PCDHA2: variants seen among roughly 807,000 people sequenced by gnomAD.
The protein encoded by PCDHA2 is protocadherin alpha-2.
In PCDHA2, 58 loss-of-function variants were observed where a neutral mutation model predicts 66.0. The ratio of observed to expected loss-of-function variants is 0.88; its 90% CI spans 0.71 to 1.09. PCDHA2 has a LOEUF of 1.09. Ranked by LOEUF, PCDHA2 falls within the 50% of genes least tolerant of loss-of-function variation. The pLI, the probability that PCDHA2 is intolerant of heterozygous loss-of-function variation, is 0.00. For missense variants in PCDHA2, 1,267 were observed against 1,242.3 expected, an observed-to-expected ratio of 1.02 and a Z score of -0.30; for synonymous variants, 634 against 554.0, an observed-to-expected ratio of 1.14 and a Z score of -2.03.
rs782014250 is a variant in PCDHA2, at chr5:140,883,952, G to T, written c.2388+86600G>T. On this transcript the variant is annotated intron_variant, in intron 1 of 3. Transcript: ENST00000526136. The stretch of plus-strand genomic sequence containing the variant: ...GTTCGTGCTGGACGAGAACGACAAC[G>T]CTCCGGCGCTGCTGACGCCCGGGGC... 2.0e-5 allele frequency: 32 copies of T among 1,613,030 alleles called. No individual in the cohort carries two copies. The highest frequency in any genetic ancestry group is 2.6e-5 in the Non-Finnish European group (31 of 1,179,806).
intron 1 of PCDHA2, chr5:140,863,098 A>C (rs781829362): frequency 1.7e-6 from 1 of 578,270 alleles, no homozygotes; most frequent in Non-Finnish European, 3.4e-6. Context: ...CACGACGAGT[A>C]CCCTGGACGA....
intron 1 of PCDHA2, chr5:140,810,670 CTTTTTTCTCTTCT>C (rs1370991145): frequency 4.0e-5 from 4 of 98,992 alleles, no homozygotes; most frequent in African/African-American, 2.0e-4. Flanking sequence ...TTTTTCTTTT[CTTTTTTCTCTTCT>C]TTTTGCTTCC....
intron 1 of PCDHA2, chr5:140,828,577 T>C: frequency 6.2e-7 from 1 of 1,614,252 alleles, no homozygotes; most frequent in Non-Finnish European, 8.5e-7. Flanking sequence ...ATGCAGATGT[T>C]GGCTCAAATT....
intron 1 of PCDHA2, chr5:140,928,983 G>T: frequency 6.2e-7 from 1 of 1,613,838 alleles, no homozygotes; most frequent in Non-Finnish European, 8.5e-7. Flanking sequence ...TATTTCTGGG[G>T]TGCTTACTTT....
intron 1 of PCDHA2, among the ~76,000 whole-genome samples, chr5:140,936,024 C>T (rs536876826): frequency 1.4e-4 from 22 of 151,890 alleles, no homozygotes; most frequent in African/African-American, 4.6e-4. Flanking sequence ...TCCCGAGTAG[C>T]GGGGATTACA....
chr5:140,853,754 A>C, intron 1 of PCDHA2: 1 of 988,728 alleles, frequency 1.0e-6, no homozygotes, highest in Non-Finnish European at 1.2e-6. Flanking sequence ...TCAAGGCTCC[A>C]CCTCAGAAAT....
rs2150328350 is a variant in PCDHA2, at chr5:140,842,056, T to G, written c.2388+44704T>G. On this transcript the variant is annotated intron_variant, in intron 1 of 3. Transcript: ENST00000526136. ...ATAATGCTCCCACTTTCGAACAGTCTGAATACGAAGTAAGAATATTCGAAA... is the reference window on the plus strand; with the variant it reads ...ATAATGCTCCCACTTTCGAACAGTCGGAATACGAAGTAAGAATATTCGAAA... The G allele has an allele frequency of 3.7e-5, 59 of 1,613,726 alleles. 1 individual carries two copies. Among genetic ancestry groups the G allele is most frequent in the Non-Finnish European group, 4.6e-5 (54 of 1,179,870 alleles).
chr5:140,836,577 T>C lies in PCDHA2; in HGVS notation c.2388+39225T>C. ...CTCAGCGCCGTCCTCTGAGGGCGCA[T>C]GTAGTTTGGTAAAGCCCACTCTGGT... is the stretch of plus-strand genomic sequence containing the variant. On this transcript the variant is annotated intron_variant, in intron 1 of 3. Transcript: ENST00000526136. 1 of 1,613,654 alleles carries C rather than the reference T, an allele frequency of 6.2e-7. No homozygotes were observed. The highest frequency in any genetic ancestry group is 8.5e-7 in the Non-Finnish European group (1 of 1,179,798).
At chr5:140,870,634 G>A (rs782716769) in intron 1 of PCDHA2, 49 of 1,612,744 alleles carry the variant, frequency 3.0e-5, no homozygotes, top group Non-Finnish European at 3.9e-5. Context: ...GTCGGTGCAC[G>A]CGGAGAGCGG....
chr5:140,966,280 G>C (rs782249047), intron 1 of PCDHA2: 3 of 365,660 alleles, frequency 8.2e-6, no homozygotes, highest in African/African-American at 4.2e-5. Flanking sequence ...CTGGACAGTG[G>C]GGGTAGGGAG....
At chr5:140,886,368 C>T (rs1174734883) in intron 1 of PCDHA2, among the ~76,000 whole-genome samples, 2 of 152,040 alleles carry the variant, frequency 1.3e-5, no homozygotes, top group South Asian at 4.1e-4. Context: ...GGTGTACATG[C>T]CATGGTGTGC....
Position 140,796,190 on chromosome 5 carries a change from T to C in PCDHA2, c.1226T>C (p.Leu409Pro). Residue 409 changes from leucine (L) to proline (P), a missense_variant, in exon 1 of 4, where the codon CTG (leucine) becomes CCG (proline). Coordinates refer to ENST00000526136, the MANE Select transcript of PCDHA2 (RefSeq NM_018905.3). ...TTCAAGAATTACTACTCGTTGGTGC[T>C]GGACAGCGCCCTGGACCGCGAGAGC... is the stretch of plus-strand genomic sequence containing the variant. ...STFKNYYSLVLDSALDRESVS... is the reference protein window; with the variant it reads ...STFKNYYSLVPDSALDRESVS... 2 of 1,614,216 alleles carry C rather than the reference T, an allele frequency of 1.2e-6. No homozygotes were observed. The highest frequency in any genetic ancestry group is 8.5e-7 in the Non-Finnish European group (1 of 1,180,042).
intron 1 of PCDHA2, chr5:140,967,270 C>G (rs782562333): frequency 6.2e-7 from 1 of 1,613,488 alleles, no homozygotes; most frequent in Non-Finnish European, 8.5e-7. Context: ...CGCGCTTTCA[C>G]ATAGAGAGTG....
intron 1 of PCDHA2, among the ~76,000 whole-genome samples, chr5:140,899,834 G>T (rs181729880): frequency 6.6e-6 from 1 of 152,198 alleles, no homozygotes; most frequent in Admixed American, 6.5e-5. Context: ...TTTGAGACAG[G>T]TCTTGCTGTG....
intron 1 of PCDHA2, among the ~76,000 whole-genome samples, chr5:140,838,702 G>A (rs1775843777): frequency 6.6e-6 from 1 of 152,008 alleles, no homozygotes; most frequent in South Asian, 2.1e-4. Context: ...TCGGGAGGCC[G>A]AGGCAGGAGG....
chr5:140,965,121 T>G (rs1454584682), intron 1 of PCDHA2, among the ~76,000 whole-genome samples: 6 of 152,178 alleles, frequency 3.9e-5, no homozygotes, highest in African/African-American at 1.4e-4. Flanking sequence ...TAGAGGAAGA[T>G]CTACAGATGA....
intron 1 of PCDHA2, among the ~76,000 whole-genome samples, chr5:140,831,935 G>C (rs1470803864): frequency 6.6e-6 from 1 of 152,098 alleles, no homozygotes; most frequent in Admixed American, 6.6e-5. Flanking sequence ...CTAGTTTTCC[G>C]AAGAGGAAAA....
chr5:140,795,480 C>T lies in PCDHA2; in HGVS notation c.516C>T (p.Leu172=), dbSNP rs1554119453. The change falls in exon 1 of 4, where the codon CTC becomes CTT. Residue 172 remains leucine (L), a synonymous_variant. Coordinates refer to ENST00000526136, the MANE Select transcript of PCDHA2 (RefSeq NM_018905.3). ...IGVNALLSYK[L]SSSEFFFLDI... is the part of the protein sequence containing the mutation. ...TAAATGCTCTTCTCTCCTACAAGCTCAGCTCCAGTGAGTTTTTCTTCCTAG... is the reference window on the plus strand; with the variant it reads ...TAAATGCTCTTCTCTCCTACAAGCTTAGCTCCAGTGAGTTTTTCTTCCTAG... 6.2e-7 allele frequency: 1 copy of T among 1,614,162 alleles called. No individual in the cohort carries two copies.
chr5:140,948,602 A>G (rs537329393), intron 1 of PCDHA2, among the ~76,000 whole-genome samples: 2 of 151,590 alleles, frequency 1.3e-5, no homozygotes, highest in Non-Finnish European at 3.0e-5. Context: ...AATTTATCAT[A>G]TTTTTGGCAC....
Sources: gnomAD v4.1 joint callset for allele counts (sites outside exome capture counted in the v4.1 genomes callset) on GRCh38, gnomAD v4.1.1 for gene constraint, MANE v1.5 for transcripts, NCBI Gene and HGNC (gene_info 2026-07-23, HGNC 2026-07-21) for gene names.